Variants in NCOR2 observed in about 807,000 individuals in gnomAD.
The protein encoded by NCOR2 is nuclear receptor corepressor 2, also known as CTG repeat protein 26.
A neutral mutation model predicts 262.9 loss-of-function variants in NCOR2; 81 were observed. The observed-to-expected ratio is 0.31, with a 90% confidence interval of 0.26 to 0.37. The LOEUF (loss-of-function observed/expected upper bound fraction) is 0.37, where lower values mean the gene tolerates loss of function less well. NCOR2 is among the 10% of genes least tolerant of loss of function. The probability of loss-of-function intolerance (pLI) is 1.00; values close to 1 mark genes in which losing one functional copy is unlikely to be tolerated. For missense variants in NCOR2, 3,385 were observed against 3,621.4 expected, an observed-to-expected ratio of 0.93 and a Z score of 1.68; for synonymous variants, 1,659 against 1,559.3, an observed-to-expected ratio of 1.06 and a Z score of -1.51.
At chr12:124,342,063 A>C (rs2135827561) in exon 34 of NCOR2, 1 of 1,609,056 alleles carries the variant, frequency 6.2e-7, no homozygotes, top group African/African-American at 1.3e-5. Context: ...CGGGGCAGGT[A>C]GTAGGCAGCG....
chr12:124,367,274 GGGCACACACAGAGGCCCAA>G (rs2039113855), intron 20 of NCOR2, among the ~76,000 whole-genome samples: 1 of 146,786 alleles, frequency 6.8e-6, no homozygotes, highest in Non-Finnish European at 1.5e-5. Context: ...ACCCTCTGGG[GGGCACACACAGAGGCCCAA>G]ACCCTTCTTG....
intron 5 of NCOR2, 51 bp downstream of exon 7, chr12:124,466,122 G>A: frequency 1.3e-6 from 2 of 1,520,602 alleles, no homozygotes; most frequent in Non-Finnish European, 1.8e-6. Flanking sequence ...CCCCTGTGAA[G>A]CGCCTCATGG....
rs1309384048 is a variant in NCOR2, at chr12:124,491,702, G to C, written c.105+3445C>G. On this transcript the variant is annotated intron_variant, in intron 1 of 46. Coordinates refer to ENST00000405201, the Ensembl canonical transcript of NCOR2. Reference sequence around the variant, plus strand: ...TTGAAGAAGAAGGCAGAATGCAGCTGGGCCACAGAAAGCCTGAAAGGAGGC... The same window carrying C: ...TTGAAGAAGAAGGCAGAATGCAGCTCGGCCACAGAAAGCCTGAAAGGAGGC... 2.6e-5 allele frequency among the ~76,000 whole-genome samples: 4 copies of C among 152,162 alleles called. No individual in the cohort carries two copies. The East Asian group carries it at 7.7e-4, about 29-fold the overall frequency.
Position 124,479,337 on chromosome 12 carries a change from AACAC to A in NCOR2, c.411+4255_411+4258del, listed in dbSNP as rs558338761. ...ACACATGCACACACGTGCGCACACA[AACAC>A]ACATACACACGTGCAACACATGCAC... On this transcript the variant is annotated intron_variant, in intron 3 of 46. Transcript: ENST00000405201. 7.5e-3 allele frequency among the ~76,000 whole-genome samples: 1,126 copies of A among 150,854 alleles called. 3 individuals are homozygous for A. The highest frequency in any genetic ancestry group is 0.013 in the Non-Finnish European group (873 of 67,686).
intron 31 of NCOR2, among the ~76,000 whole-genome samples, chr12:124,346,315 G>A (rs1415065403): frequency 6.6e-6 from 1 of 152,150 alleles, no homozygotes; most frequent in Non-Finnish European, 1.5e-5. Flanking sequence ...TGGCCTCTCT[G>A]GGACTCAGTT....
At chr12:124,511,227 C>T (rs1157837630) in intron 1 of NCOR2, among the ~76,000 whole-genome samples, 3 of 152,224 alleles carry the variant, frequency 2.0e-5, no homozygotes, top group Admixed American at 6.5e-5. Context: ...AGCCGAGTGT[C>T]CCAAATATCA....
chr12:124,434,863 C>T (rs1216626228), intron 8 of NCOR2, among the ~76,000 whole-genome samples: 1 of 152,116 alleles, frequency 6.6e-6, no homozygotes, highest in Admixed American at 6.5e-5. Flanking sequence ...CAATGGTAAC[C>T]GTGGCTGATT....
At chr12:124,465,293 TCA>T (rs2046363259) in intron 5 of NCOR2, among the ~76,000 whole-genome samples, 5 of 152,000 alleles carry the variant, frequency 3.3e-5, no homozygotes, top group African/African-American at 1.2e-4. Context: ...AGGGAGGGGA[TCA>T]ACATCCACAG....
chr12:124,370,203 G>A (rs891948603), intron 20 of NCOR2, among the ~76,000 whole-genome samples: 124 of 152,348 alleles, frequency 8.1e-4, no homozygotes, highest in African/African-American at 2.8e-3. Flanking sequence ...CGGGCAAGAA[G>A]CTCAGGGATT....
chr12:124,494,013 A>G (rs2048239906), intron 1 of NCOR2, among the ~76,000 whole-genome samples: 1 of 152,144 alleles, frequency 6.6e-6, no homozygotes, highest in African/African-American at 2.4e-5. Context: ...CCGTCCTAAG[A>G]GGGATCCACA....
intron 11 of NCOR2, among the ~76,000 whole-genome samples, chr12:124,426,221 G>T (rs1312233036): frequency 1.3e-5 from 2 of 152,224 alleles, no homozygotes; most frequent in African/African-American, 4.8e-5. Flanking sequence ...CTTTCCAGAT[G>T]TAATTAGTTG....
intron 17 of NCOR2, among the ~76,000 whole-genome samples, chr12:124,385,266 G>A (rs1207155703): frequency 1.3e-5 from 2 of 152,112 alleles, no homozygotes; most frequent in Non-Finnish European, 2.9e-5. Flanking sequence ...TGAGACGTCC[G>A]CCCCCGCCCC....
At chr12:124,352,205 G>A (rs1164551838) in intron 27 of NCOR2, among the ~76,000 whole-genome samples, 2 of 152,260 alleles carry the variant, frequency 1.3e-5, no homozygotes, top group East Asian at 3.9e-4. Context: ...GCATCCTGGC[G>A]GGAAAAGCCC....
intron 1 of NCOR2, among the ~76,000 whole-genome samples, chr12:124,490,909 T>C (rs2048050523): frequency 6.6e-6 from 1 of 152,240 alleles, no homozygotes; most frequent in South Asian, 2.1e-4. Flanking sequence ...GCTGAGCCCC[T>C]GCGTCTGTGC....
intron 20 of NCOR2, among the ~76,000 whole-genome samples, chr12:124,369,854 G>A (rs1337299899): frequency 6.6e-6 from 1 of 152,106 alleles, no homozygotes; most frequent in Non-Finnish European, 1.5e-5. Flanking sequence ...GAGAGGACGG[G>A]AGGCTGCAAG....
At chr12:124,507,279 A>G (rs910016045) in intron 1 of NCOR2, among the ~76,000 whole-genome samples, 6 of 152,236 alleles carry the variant, frequency 3.9e-5, no homozygotes, top group Non-Finnish European at 7.3e-5. Context: ...CGGTTGCTAA[A>G]CAATATGGCT....
intron 15 of NCOR2, 73 bp downstream of exon 17, chr12:124,400,428 G>C: frequency 6.4e-7 from 1 of 1,561,206 alleles, no homozygotes; most frequent in Non-Finnish European, 8.7e-7. Context: ...CAAATTGCAC[G>C]AAACTTTCAT....
At chr12:124,467,726 C>CTCA (rs1391342201) in intron 4 of NCOR2, among the ~76,000 whole-genome samples, 2 of 137,384 alleles carry the variant, frequency 1.5e-5, no homozygotes, top group African/African-American at 2.7e-5. Context: ...CCTCATCACC[C>CTCA]TCATCCTCAT....
rs185931079 is a variant in NCOR2 at position 124,519,778 on chromosome 12, C to T, written c.-118+15787G>A. Among the ~76,000 whole-genome samples the T allele has an allele frequency of 2.8e-3, 433 of 152,320 alleles. 4 individuals are homozygous for T. Among genetic ancestry groups the T allele is most frequent in the African/African-American group, 9.7e-3 (405 of 41,576 alleles). On this transcript the variant is annotated intron_variant, in intron 1 of 46. Coordinates refer to the NCOR2 transcript ENST00000404621. ...ACTGTGTGCCCAGCACTGTGCTAAG[C>T]GGGTCCCCTGGTTCACCAGCTGGCC...
Sources: allele counts gnomAD v4.1 joint callset (sites outside exome capture counted in the v4.1 genomes callset), GRCh38; gene constraint gnomAD v4.1.1; transcripts MANE v1.5; gene names NCBI Gene and HGNC (gene_info 2026-07-23, HGNC 2026-07-21).